The following EDNRB variants were observed in gnomAD, a reference collection of about 807,000 sequenced individuals.
EDNRB encodes endothelin receptor type B.
EDNRB carries 18 observed loss-of-function variants against 46.4 expected under a neutral mutation model. The observed-to-expected ratio is 0.39, with a 90% CI of 0.27 to 0.57. The LOEUF (loss-of-function observed/expected upper bound fraction) is 0.57. Among genes scored for constraint, EDNRB ranks in the 20% least tolerant of loss-of-function variants. The pLI, the probability that EDNRB is intolerant of heterozygous loss-of-function variation, is 0.61. For missense variants in EDNRB, 434 were observed against 537.5 expected (o/e 0.81, Z 1.90); for synonymous variants, 213 against 204.9 (o/e 1.04, Z -0.34).
chr13:77,958,643 G>A (rs761789922), intron 1 of EDNRB, among the ~76,000 whole-genome samples: 191 of 152,262 alleles, frequency 1.3e-3, no homozygotes, highest in Non-Finnish European at 1.9e-3. Flanking sequence ...CAAAGTGCTG[G>A]GATTACAGGC....
rs140479430 is a variant in EDNRB, at chr13:77,938,558, G to A, written c.-51-19934C>T. Among the ~76,000 whole-genome samples the A allele has an allele frequency of 2.3e-3, 351 of 152,208 alleles. 13 individuals carry two copies. The East Asian group carries it at 0.059, about 26-fold the overall frequency. On this transcript the variant is annotated intron_variant, in intron 1 of 7. Coordinates refer to the EDNRB transcript ENST00000646948. ...GTGAATGACCAAGGCAGGCGTCCCCGCGTGGTCAGACACCTCTGAAACATG... is the reference window on the plus strand; with the variant it reads ...GTGAATGACCAAGGCAGGCGTCCCCACGTGGTCAGACACCTCTGAAACATG...
Position 77,897,859 on chromosome 13 carries a change from C to T in EDNRB, c.*341G>A, listed in dbSNP as rs970358308. 8.8e-6 allele frequency: 9 copies of T among 1,026,846 alleles called. No homozygotes were observed. Among genetic ancestry groups the T allele is most frequent in the Non-Finnish European group, 1.1e-5 (9 of 855,534 alleles). The allele number at this position is 1,026,846 out of a possible 1,614,324, so 63.6% of individuals were successfully genotyped here. A position where few individuals can be genotyped will look rare whatever the true frequency, so the allele number is the denominator to read the frequency against. On this transcript the variant is annotated 3_prime_UTR_variant, in exon 7 of 7. Coordinates refer to ENST00000646607, the MANE Select transcript of EDNRB (RefSeq NM_001122659.3). The stretch of plus-strand genomic sequence containing the variant: ...GTCCCATTGATTTAAAAATAAATCT[C>T]TTTTTAGAAAGAATAGAAATTCTGA...
rs1879096809 is a variant in EDNRB at position 77,903,282 on chromosome 13, A to T, written c.675T>A (p.Ile225=). The change falls in exon 3 of 7, where the codon ATT becomes ATA. Residue 225 remains isoleucine, a synonymous_variant. Transcript: ENST00000646607. The stretch of plus-strand genomic sequence containing the variant: ...CAGCCAGAACCACAGAGACCACCCA[A>T]ATCAAAACAATTTCTACTGCTGTCC... The part of the protein sequence containing the change: ...PKWTAVEIVL[I]WVVSVVLAVP... 3.7e-6 allele frequency: 6 copies of T among 1,612,896 alleles called. No homozygotes were observed. The highest frequency in any genetic ancestry group is 4.2e-6 in the Non-Finnish European group (5 of 1,179,368).
At chr13:77,959,046 T>A (rs1353618363) in intron 1 of EDNRB, among the ~76,000 whole-genome samples, 1 of 152,234 alleles carries the variant, frequency 6.6e-6, no homozygotes, top group Non-Finnish European at 1.5e-5. Flanking sequence ...ATAAGTGTAC[T>A]TGAATTATTG....
Position 77,917,714 on chromosome 13 carries a change from AG to A in EDNRB, c.483+376del, listed in dbSNP as rs1477753082. 2.0e-5 allele frequency among the ~76,000 whole-genome samples: 3 copies of A among 152,308 alleles called. No individual in the cohort carries two copies. In the East Asian group the frequency reaches 5.8e-4, roughly 29 times the overall value. ...TTTACAGTTCATCATAATCACATAAAGGGCTTGTTAAAATACAAATTACTGT... is the reference window on the plus strand; with the variant it reads ...TTTACAGTTCATCATAATCACATAAAGGCTTGTTAAAATACAAATTACTGT... On this transcript the variant is annotated intron_variant, in intron 1 of 6. Coordinates refer to ENST00000646607, the MANE Select transcript of EDNRB (RefSeq NM_001122659.3).
At chr13:77,919,655 CCTTCCGA>C, upstream of EDNRB, 4 of 1,540,744 alleles carry the variant, frequency 2.6e-6, no homozygotes, top group Non-Finnish European at 3.5e-6. Flanking sequence ...TCCTCCCGCG[CCTTCCGA>C]CCCCGCTGCA....
intron 1 of EDNRB, among the ~76,000 whole-genome samples, chr13:77,950,051 A>G (rs1302037378): frequency 6.6e-6 from 1 of 152,152 alleles, no homozygotes; most frequent in Non-Finnish European, 1.5e-5. Flanking sequence ...CCTCGTGTGC[A>G]TGGGTCCTAG....
Position 77,897,636 on chromosome 13 carries a change from G to A in EDNRB, c.*564C>T. The A allele has an allele frequency of 1.0e-6, 1 of 986,570 alleles. No individual in the cohort carries two copies. The highest frequency in any genetic ancestry group is 1.2e-6 in the Non-Finnish European group (1 of 830,912). 61.1% of individuals were successfully genotyped at this position (986,570 alleles called of 1,614,324 possible). A position where few individuals can be genotyped will look rare whatever the true frequency, so the allele number is the denominator to read the frequency against. ...CTTGCTCTTTCTGTTACTCCCTCCT[G>A]ATCATTTAAATGTTTCCAGTGTCCG... On this transcript the variant is annotated 3_prime_UTR_variant, in exon 7 of 7. Transcript: ENST00000646607.
intron 1 of EDNRB, among the ~76,000 whole-genome samples, chr13:77,958,980 G>T (rs757909513): frequency 2.0e-5 from 3 of 152,204 alleles, no homozygotes; most frequent in Non-Finnish European, 4.4e-5. Flanking sequence ...TGGCATGGTG[G>T]TGTTGTTGGG....
intron 2 of EDNRB, 52 bp downstream of exon 2, chr13:77,903,443 G>A (rs1288264224): frequency 1.2e-6 from 2 of 1,609,350 alleles, no homozygotes; most frequent in Non-Finnish European, 1.7e-6. Context: ...AAGTAACATG[G>A]AAAACAATAG....
intron 3 of EDNRB, among the ~76,000 whole-genome samples, chr13:77,902,428 C>T (rs761702233): frequency 5.9e-5 from 9 of 151,788 alleles, no homozygotes; most frequent in Non-Finnish European, 1.3e-4. Context: ...GTAAACAACC[C>T]CCTCCTAGCC....
chr13:77,950,293 G>A (rs1881054421), intron 1 of EDNRB, among the ~76,000 whole-genome samples: 1 of 152,186 alleles, frequency 6.6e-6, no homozygotes, highest in South Asian at 2.1e-4. Flanking sequence ...ACCTCTCTAA[G>A]TGGACAAAGG....
At chr13:77,911,017 A>G (rs942878683) in intron 1 of EDNRB, among the ~76,000 whole-genome samples, 3 of 152,072 alleles carry the variant, frequency 2.0e-5, no homozygotes, top group Non-Finnish European at 4.4e-5. Context: ...GTAACAGGCC[A>G]GGAAAGAAAT....
chr13:77,897,917 A>AAT lies in EDNRB; in HGVS notation c.*281_*282dup. On this transcript the variant is annotated 3_prime_UTR_variant, in exon 7 of 7. Transcript: ENST00000646607. ...CATTTTTAAGCCTAAGTGTTGTGTGAATATCCTGGAAGTTGTTAAGAGCTA... is the reference window on the plus strand; with the variant it reads ...CATTTTTAAGCCTAAGTGTTGTGTGAATATATCCTGGAAGTTGTTAAGAGCTA... 1 of 1,155,904 alleles carries AAT rather than the reference A, an allele frequency of 8.7e-7. No homozygotes were observed. Among genetic ancestry groups the AAT allele is most frequent in the Admixed American group, 4.4e-5 (1 of 22,732 alleles). 71.6% of individuals were successfully genotyped at this position (1,155,904 alleles called of 1,614,324 possible).
chr13:77,958,584 C>T lies in EDNRB; in HGVS notation c.-52+16763G>A, dbSNP rs1028187129. On this transcript the variant is annotated intron_variant, in intron 1 of 7. Transcript: ENST00000646948. ...AGAGATGGGGTTTCACCATGTTAGC[C>T]AGGATGGTCTCGATCTCCTGACCTT... 6.6e-5 allele frequency among the ~76,000 whole-genome samples: 10 copies of T among 152,212 alleles called. No individual in the cohort carries two copies. In the East Asian group the frequency reaches 1.5e-3, roughly 24 times the overall value.
chr13:77,956,899 C>T lies in EDNRB; in HGVS notation c.-52+18448G>A, dbSNP rs563091800. 2.0e-5 allele frequency among the ~76,000 whole-genome samples: 3 copies of T among 152,222 alleles called. No homozygotes were observed. The East Asian group carries it at 5.8e-4, about 29-fold the overall frequency. ...TAAGGACTTAAGTAATTAGATGGGG[C>T]CTATCCAGATAATTCAGTATAATCT... On this transcript the variant is annotated intron_variant, in intron 1 of 7. Transcript: ENST00000646948.
chr13:77,914,681 T>C (rs1879725772), intron 1 of EDNRB, among the ~76,000 whole-genome samples: 1 of 152,232 alleles, frequency 6.6e-6, no homozygotes, highest in African/African-American at 2.4e-5. Flanking sequence ...GAGAGTGGTA[T>C]GATTCTTCCT....
Position 77,925,758 on chromosome 13 carries a change from C to G in EDNRB, c.-51-7134G>C, listed in dbSNP as rs113198864. Among the ~76,000 whole-genome samples, 1,225 of 152,304 alleles carry G rather than the reference C, an allele frequency of 8.0e-3. 16 individuals are homozygous for G. The highest frequency in any genetic ancestry group is 0.027 in the African/African-American group (1,138 of 41,560). On this transcript the variant is annotated intron_variant, in intron 1 of 7. Coordinates refer to the EDNRB transcript ENST00000646948. Reference sequence around the variant, plus strand: ...AGAGTCCCTACTGGGGCACCGCCTACTGGAGCTGTCAGAAGAGGGCCACCG... The same window carrying G: ...AGAGTCCCTACTGGGGCACCGCCTAGTGGAGCTGTCAGAAGAGGGCCACCG...
chr13:77,940,847 G>C (rs1880725210), intron 1 of EDNRB, among the ~76,000 whole-genome samples: 1 of 152,132 alleles, frequency 6.6e-6, no homozygotes, highest in South Asian at 2.1e-4. Flanking sequence ...AGGAGGTTAA[G>C]CGTATAATTT....
Sources: gnomAD v4.1 joint callset for allele counts (sites outside exome capture counted in the v4.1 genomes callset) on GRCh38, gnomAD v4.1.1 for gene constraint, MANE v1.5 for transcripts, NCBI Gene and HGNC (gene_info 2026-07-23, HGNC 2026-07-21) for gene names.